Variants in RCC1 observed in about 807,000 individuals in gnomAD.
The protein encoded by RCC1 is regulator of chromosome condensation 1, also known as regulator of chromosome condensation.
RCC1 carries 11 observed loss-of-function variants against 44.4 expected under a neutral mutation model. The ratio of observed to expected loss-of-function variants is 0.25; its 90% CI spans 0.16 to 0.41. The LOEUF (loss-of-function observed/expected upper bound fraction) is 0.41. RCC1 is among the 10% of genes least tolerant of loss of function. RCC1 has a pLI of 1.00. For missense variants in RCC1, 386 were observed against 547.1 expected (o/e 0.71, Z 2.94); for synonymous variants, 213 against 216.5 (o/e 0.98, Z 0.14).
Position 28,536,725 on chromosome 1 carries a change from A to G in RCC1, c.938-22A>G. On this transcript the variant is annotated intron_variant, in intron 11 of 12. Transcript: ENST00000683442. This position sits in a 1 kb window ranked among gnomAD's most constrained non-coding sequence, Gnocchi z 4.9. ...TGTAGCACGCCCTCTGCTATTGCTCATCTCTCTCCCTCCTCCCATAGGAAA... is the reference window on the plus strand; with the variant it reads ...TGTAGCACGCCCTCTGCTATTGCTCGTCTCTCTCCCTCCTCCCATAGGAAA... 1.2e-6 allele frequency: 2 copies of G among 1,612,458 alleles called. No individual in the cohort carries two copies. The highest frequency in any genetic ancestry group is 1.7e-6 in the Non-Finnish European group (2 of 1,178,984).
At chr1:28,518,088 G>C (rs924896035) in intron 4 of RCC1, 1 of 152,132 alleles carries the variant, frequency 6.6e-6, no homozygotes, top group African/African-American at 2.4e-5. Flanking sequence ...AACCGGGCCA[G>C]GGGAGCCAGC....
chr1:28,530,240 A>G (rs1471559509), intron 5 of RCC1, among the ~76,000 whole-genome samples: 1 of 151,924 alleles, frequency 6.6e-6, no homozygotes, highest in Non-Finnish European at 1.5e-5. Flanking sequence ...ACTTTCCGAC[A>G]TGGGTTCAAG....
intron 7 of RCC1, among the ~76,000 whole-genome samples, chr1:28,533,038 T>C (rs900858914): frequency 6.6e-6 from 1 of 151,980 alleles, no homozygotes; most frequent in Non-Finnish European, 1.5e-5. Flanking sequence ...GGTCTCGAAC[T>C]CCCGACCCCA....
At chr1:28,514,710 G>A (rs1435767752) in intron 3 of RCC1, among the ~76,000 whole-genome samples, 1 of 149,408 alleles carries the variant, frequency 6.7e-6, no homozygotes, top group African/African-American at 2.5e-5. Context: ...GCAGTGAGCC[G>A]AGATCATGCC....
At chr1:28,531,693 T>G in intron 5 of RCC1, 110 bp from the exon 6 acceptor site, 1 of 835,338 alleles carries the variant, frequency 1.2e-6, no homozygotes, top group Admixed American at 2.9e-5. Flanking sequence ...ATACTAACAG[T>G]CTGTGGCAGA....
At chr1:28,533,061 G>A (rs1397398052) in intron 7 of RCC1, among the ~76,000 whole-genome samples, 3 of 152,030 alleles carry the variant, frequency 2.0e-5, no homozygotes, top group Non-Finnish European at 4.4e-5. Context: ...TGATCCACCC[G>A]CCTCAGCCTC....
chr1:28,506,054 A>C lies in RCC1; in HGVS notation c.-292A>C, dbSNP rs1661885448. 2 of 455,890 alleles carry C rather than the reference A, an allele frequency of 4.4e-6. No homozygotes were observed. The highest frequency in any genetic ancestry group is 4.0e-5 in the African/African-American group (2 of 50,042). 28.2% of individuals were successfully genotyped at this position (455,890 alleles called of 1,614,324 possible). On this transcript the variant is annotated 5_prime_UTR_variant, in exon 1 of 13. Coordinates refer to ENST00000683442, the MANE Select transcript of RCC1 (RefSeq NM_001381865.2). Reference sequence around the variant, plus strand: ...CGCGTTTTCTCTCTCCTTTTTGGAGACAGATTCGCAGTGGTCGCTTCTTCT... The same window carrying C: ...CGCGTTTTCTCTCTCCTTTTTGGAGCCAGATTCGCAGTGGTCGCTTCTTCT...
intron 3 of RCC1, among the ~76,000 whole-genome samples, chr1:28,514,651 C>T (rs1375210270): frequency 2.0e-5 from 3 of 151,926 alleles, no homozygotes; most frequent in Non-Finnish European, 4.4e-5. Flanking sequence ...ATCCCAGCAA[C>T]TCGGGATGCT....
chr1:28,513,136 T>G (rs1210848431), intron 3 of RCC1, among the ~76,000 whole-genome samples: 1 of 151,690 alleles, frequency 6.6e-6, no homozygotes, highest in African/African-American at 2.4e-5. Flanking sequence ...TGGCACAATC[T>G]CAGCTCACTG....
intron 4 of RCC1, among the ~76,000 whole-genome samples, chr1:28,526,009 T>C (rs1266845728): frequency 1.3e-5 from 2 of 152,138 alleles, no homozygotes; most frequent in Non-Finnish European, 2.9e-5. Context: ...CGGCCGGGCA[T>C]GGTGGCTCAC....
intron 3 of RCC1, chr1:28,510,810 C>G (rs1178585641): frequency 6.6e-6 from 1 of 152,398 alleles, no homozygotes; most frequent in East Asian, 1.9e-4. Flanking sequence ...ATGAGTCAGC[C>G]CCATTCGTCT....
At position 28,538,590 on chromosome 1, in the gene RCC1, A is replaced by T. The variant is rs1664702315; in HGVS notation, c.*583A>T. ...ATGGGACAAAAAAGAACGATCCTCCACTTGACCAAGAAAAAAGTGATTCTC... is the reference window on the plus strand; with the variant it reads ...ATGGGACAAAAAAGAACGATCCTCCTCTTGACCAAGAAAAAAGTGATTCTC... On this transcript the variant is annotated 3_prime_UTR_variant, in exon 13 of 13. Coordinates refer to ENST00000683442, the MANE Select transcript of RCC1 (RefSeq NM_001381865.2). 6.6e-6 allele frequency: 1 copy of T among 152,264 alleles called. No homozygotes were observed. Among genetic ancestry groups the T allele is most frequent in the South Asian group, 2.1e-4 (1 of 4,830 alleles). The allele number at this position is 152,264 out of a possible 1,614,324, so 9.4% of individuals were successfully genotyped here. A position where few individuals can be genotyped will look rare whatever the true frequency, so the allele number is the denominator to read the frequency against.
chr1:28,507,853 C>T (rs1662140165), intron 1 of RCC1: 1 of 302,584 alleles, frequency 3.3e-6, no homozygotes, highest in African/African-American at 2.2e-5. Context: ...GATCCGCCAG[C>T]CTCTGGCCTC....
At chr1:28,507,147 T>C (rs142149261) in intron 1 of RCC1, 32 of 278,114 alleles carry the variant, frequency 1.2e-4, no homozygotes, top group African/African-American at 5.7e-4. Flanking sequence ...TTGTTGTCTT[T>C]GCTTCTGCGG....
intron 3 of RCC1, among the ~76,000 whole-genome samples, chr1:28,511,660 T>A (rs1662551290): frequency 6.6e-6 from 1 of 151,242 alleles, no homozygotes; most frequent in South Asian, 2.1e-4. Context: ...TCAGCCACCA[T>A]GCCCAGCTTT....
chr1:28,508,208 G>T (rs969646792), intron 2 of RCC1, 48 bp downstream of exon 2: 1 of 425,198 alleles, frequency 2.4e-6, no homozygotes, highest in Admixed American at 2.5e-5. Flanking sequence ...CTTTGTCAAT[G>T]ATTTCTGTAA....
At chr1:28,537,761 A>G in intron 12 of RCC1, 71 bp from the exon 13 acceptor site, 1 of 1,477,080 alleles carries the variant, frequency 6.8e-7, no homozygotes, top group Non-Finnish European at 9.1e-7. Context: ...CCCATGTCCC[A>G]GGTTTCTCCT....
rs1557862678 is a variant in RCC1 at position 28,506,074 on chromosome 1, T to TA, written c.-272_-271insA. On this transcript the variant is annotated 5_prime_UTR_variant, in exon 1 of 13. Transcript: ENST00000683442. ...TGGAGACAGATTCGCAGTGGTCGCTTCTTCTCCTTGGTAAGTGTGATCCTT... is the reference window on the plus strand; with the variant it reads ...TGGAGACAGATTCGCAGTGGTCGCTTACTTCTCCTTGGTAAGTGTGATCCTT... 3 of 455,994 alleles carry TA rather than the reference T, an allele frequency of 6.6e-6. No homozygotes were observed. The highest frequency in any genetic ancestry group is 1.3e-5 in the Non-Finnish European group (3 of 226,790). 28.2% of individuals were successfully genotyped at this position (455,994 alleles called of 1,614,324 possible). A position where few individuals can be genotyped will look rare whatever the true frequency, so the allele number is the denominator to read the frequency against.
chr1:28,530,685 G>A (rs1041459948), intron 5 of RCC1: 32 of 1,342,756 alleles, frequency 2.4e-5, no homozygotes, highest in African/African-American at 8.8e-5. Flanking sequence ...CATCCTCGGG[G>A]GAGGGGCTGG....
Sources: gnomAD v4.1 joint callset for allele counts (sites outside exome capture counted in the v4.1 genomes callset) on GRCh38, gnomAD v4.1.1 for gene constraint, Gnocchi (gnomAD v3.1) non-coding constraint, MANE v1.5 for transcripts, NCBI Gene and HGNC (gene_info 2026-07-23, HGNC 2026-07-21) for gene names.